The following HS3ST4 variants were observed in gnomAD, a reference collection of about 807,000 sequenced individuals.
HS3ST4 encodes the protein heparan sulfate glucosamine 3-O-sulfotransferase 4.
A neutral mutation model predicts 29.2 loss-of-function variants in HS3ST4; 17 were observed. The ratio of observed to expected loss-of-function variants is 0.58; its 90% CI spans 0.40 to 0.87. The LOEUF is 0.87. HS3ST4 is among the 40% of genes least tolerant of loss of function. HS3ST4 has a pLI of 0.00. For missense variants in HS3ST4, 627 were observed against 634.5 expected (o/e 0.99, Z 0.13); for synonymous variants, 314 against 285.7 (o/e 1.10, Z -1.00).
chr16:25,709,679 C>G (rs571568165), intron 1 of HS3ST4, among the ~76,000 whole-genome samples: 1 of 151,460 alleles, frequency 6.6e-6, no homozygotes, highest in Non-Finnish European at 1.5e-5. Context: ...TTTCTTTAAC[C>G]GAGAGGGGAA....
intron 1 of HS3ST4, among the ~76,000 whole-genome samples, chr16:25,765,133 A>C (rs1028041822): frequency 6.6e-6 from 1 of 152,256 alleles, no homozygotes; most frequent in Admixed American, 6.5e-5. Flanking sequence ...AGCAGAGAGC[A>C]AGACCACAGC....
chr16:25,995,148 G>A (rs1353827608), intron 1 of HS3ST4, among the ~76,000 whole-genome samples: 3 of 152,116 alleles, frequency 2.0e-5, no homozygotes, highest in South Asian at 2.1e-4. Flanking sequence ...ATAAATGGTC[G>A]TTTTCCAGAA....
chr16:25,846,318 T>C (rs745898357), intron 1 of HS3ST4, among the ~76,000 whole-genome samples: 1 of 152,212 alleles, frequency 6.6e-6, no homozygotes, highest in African/African-American at 2.4e-5. Context: ...CCTTGTGTTA[T>C]TTGTTAAATT....
intron 1 of HS3ST4, among the ~76,000 whole-genome samples, chr16:26,121,237 G>A (rs1360552123): frequency 6.6e-6 from 1 of 152,190 alleles, no homozygotes; most frequent in Non-Finnish European, 1.5e-5. Flanking sequence ...GTTCATCCAA[G>A]TAGGTAAAAG....
At chr16:25,952,256 G>A (rs1033822065) in intron 1 of HS3ST4, among the ~76,000 whole-genome samples, 1 of 152,172 alleles carries the variant, frequency 6.6e-6, no homozygotes, top group Admixed American at 6.5e-5. Flanking sequence ...TTTCTTATGG[G>A]TCATTCAGTG....
At chr16:25,875,105 C>G (rs1967815746) in intron 1 of HS3ST4, among the ~76,000 whole-genome samples, 1 of 152,096 alleles carries the variant, frequency 6.6e-6, no homozygotes, top group Non-Finnish European at 1.5e-5. Context: ...GGTCACTGCT[C>G]TCACAGAGGC....
intron 1 of HS3ST4, among the ~76,000 whole-genome samples, chr16:26,056,756 T>C (rs914341001): frequency 6.6e-6 from 1 of 152,234 alleles, no homozygotes; most frequent in Non-Finnish European, 1.5e-5. Flanking sequence ...AGACATTTAT[T>C]TGTCTGTTGC....
At chr16:25,802,835 T>A (rs1966951778) in intron 1 of HS3ST4, among the ~76,000 whole-genome samples, 1 of 152,048 alleles carries the variant, frequency 6.6e-6, no homozygotes. Flanking sequence ...TGTCTTACAC[T>A]TTTGTTGCTA....
chr16:26,049,550 A>G (rs1898311783), intron 1 of HS3ST4, among the ~76,000 whole-genome samples: 1 of 151,872 alleles, frequency 6.6e-6, no homozygotes, highest in African/African-American at 2.4e-5. Context: ...TTACCTCACA[A>G]CAGTCAACCC....
chr16:25,708,953 C>T (rs1171652267), intron 1 of HS3ST4, among the ~76,000 whole-genome samples: 1 of 152,182 alleles, frequency 6.6e-6, no homozygotes, highest in Non-Finnish European at 1.5e-5. Flanking sequence ...AACTTCATTT[C>T]AGCTCCAGAA....
intron 1 of HS3ST4, among the ~76,000 whole-genome samples, chr16:25,953,169 G>A (rs1358674182): frequency 2.0e-5 from 3 of 152,194 alleles, no homozygotes; most frequent in East Asian, 1.9e-4. Context: ...GAGAGAGTGA[G>A]TAAGTTATGC....
At chr16:25,755,328 C>T (rs141888483) in intron 1 of HS3ST4, among the ~76,000 whole-genome samples, 1 of 152,092 alleles carries the variant, frequency 6.6e-6, no homozygotes. Context: ...ACTAAAGGAG[C>T]CTGAGAGAGG....
intron 1 of HS3ST4, among the ~76,000 whole-genome samples, chr16:25,978,349 G>A (rs764363426): frequency 5.9e-5 from 9 of 152,350 alleles, no homozygotes; most frequent in Non-Finnish European, 1.2e-4. Context: ...AAACATTTTA[G>A]TCTTGGCAGG....
intron 1 of HS3ST4, among the ~76,000 whole-genome samples, chr16:25,853,302 GT>G (rs1967539963): frequency 9.4e-6 from 1 of 106,334 alleles, no homozygotes; most frequent in Non-Finnish European, 2.1e-5. Flanking sequence ...GTGAGTGTGT[GT>G]GTGTGTGTGT....
chr16:26,036,072 G>C (rs780786731), intron 1 of HS3ST4, among the ~76,000 whole-genome samples: 7 of 152,206 alleles, frequency 4.6e-5, no homozygotes, highest in Non-Finnish European at 8.8e-5. Flanking sequence ...ATAAACAGTT[G>C]TTCAAGGACC....
intron 1 of HS3ST4, among the ~76,000 whole-genome samples, chr16:25,957,455 T>C (rs538214519): frequency 1.3e-5 from 2 of 152,260 alleles, no homozygotes; most frequent in Admixed American, 6.5e-5. Context: ...TTTGCTCTTG[T>C]TGCCCAGGCT....
intron 1 of HS3ST4, among the ~76,000 whole-genome samples, chr16:26,011,569 C>G (rs1371503731): frequency 6.6e-6 from 1 of 152,076 alleles, no homozygotes; most frequent in African/African-American, 2.4e-5. Context: ...CAAAAAAAAG[C>G]ATTCAATTTT....
intron 1 of HS3ST4, among the ~76,000 whole-genome samples, chr16:26,050,917 A>G (rs1264868477): frequency 6.6e-6 from 1 of 152,178 alleles, no homozygotes; most frequent in African/African-American, 2.4e-5. Context: ...GCCTAATTGC[A>G]TAACTTGAGC....
rs554612126 is a variant in HS3ST4 at position 25,905,582 on chromosome 16, A to G, written c.734+212431A>G. On this transcript the variant is annotated intron_variant, in intron 1 of 1. Coordinates refer to ENST00000331351, the MANE Select transcript of HS3ST4 (RefSeq NM_006040.3). Reference sequence around the variant, plus strand: ...TCAGCAAGATCCCTGGGTGATTTGTATGGGCATGAAGGCTCGTGAAAGACA... The same window carrying G: ...TCAGCAAGATCCCTGGGTGATTTGTGTGGGCATGAAGGCTCGTGAAAGACA... Among the ~76,000 whole-genome samples, 5 of 152,288 alleles carry G rather than the reference A, an allele frequency of 3.3e-5. No homozygotes were observed. In the South Asian group the frequency reaches 8.3e-4, roughly 25 times the overall value.
Sources: allele counts gnomAD v4.1 joint callset (sites outside exome capture counted in the v4.1 genomes callset), GRCh38; gene constraint gnomAD v4.1.1; transcripts MANE v1.5; gene names NCBI Gene and HGNC (gene_info 2026-07-23, HGNC 2026-07-21).